Variants in COL15A1 observed in about 807,000 individuals in gnomAD.
COL15A1 encodes collagen alpha-1(XV) chain.
A neutral mutation model predicts 165.9 loss-of-function variants in COL15A1; 111 were observed. That is an observed-to-expected ratio of 0.67 (90% CI 0.57 to 0.78). COL15A1 has a LOEUF of 0.78. Among genes scored for constraint, COL15A1 ranks in the 30% least tolerant of loss-of-function variants. COL15A1 has a pLI of 0.00. For missense variants in COL15A1, 1,745 were observed against 1,789.7 expected (o/e 0.98, Z 0.45); for synonymous variants, 659 against 674.8 (o/e 0.98, Z 0.36).
intron 2 of COL15A1, among the ~76,000 whole-genome samples, chr9:98,956,709 A>T (rs1837781236): frequency 6.6e-6 from 1 of 152,094 alleles, no homozygotes; most frequent in Admixed American, 6.6e-5. Flanking sequence ...GCTTCTTGCC[A>T]CTCAATCTTC....
intron 16 of COL15A1, among the ~76,000 whole-genome samples, chr9:99,027,607 A>G (rs548924666): frequency 6.7e-6 from 1 of 148,150 alleles, no homozygotes; most frequent in East Asian, 2.1e-4. Flanking sequence ...CCACACCCAC[A>G]ACTGCATACA....
chr9:99,067,363 A>G (rs995559071), intron 40 of COL15A1, among the ~76,000 whole-genome samples: 1 of 152,254 alleles, frequency 6.6e-6, no homozygotes, highest in East Asian at 1.9e-4. Flanking sequence ...TCTAATAAAC[A>G]TGAGAGTTAT....
rs772409217 is a variant in COL15A1, at chr9:99,015,987, T to C, written c.1515T>C (p.Asp505=). Residue 505 remains aspartate (D), a synonymous_variant, in exon 11 of 42, where the codon GAT becomes GAC. Coordinates refer to ENST00000375001, the MANE Select transcript of COL15A1 (RefSeq NM_001855.5). ...PERAVTSGPG[D]EEDLAAATTE... Reference sequence around the variant, plus strand: ...GGTTTTGTTTTCAGGGTCCTGGTGATGAAGAAGACTTGGCAGCAGCCACAA... The same window carrying C: ...GGTTTTGTTTTCAGGGTCCTGGTGACGAAGAAGACTTGGCAGCAGCCACAA... 46 of 1,613,546 alleles carry C rather than the reference T, an allele frequency of 2.9e-5. No individual in the cohort carries two copies. Among genetic ancestry groups the C allele is most frequent in the Non-Finnish European group, 3.7e-5 (44 of 1,179,822 alleles).
At chr9:99,035,213 ACCAGCTAG>A in intron 18 of COL15A1, 59 bp downstream of exon 18, 2 of 1,576,604 alleles carry the variant, frequency 1.3e-6, no homozygotes, top group Non-Finnish European at 1.7e-6. Context: ...TACTAGAAAG[ACCAGCTAG>A]CTAAACCCTG....
At chr9:98,995,692 A>G (rs961621560) in intron 5 of COL15A1, among the ~76,000 whole-genome samples, 7 of 152,162 alleles carry the variant, frequency 4.6e-5, no homozygotes, top group African/African-American at 1.7e-4. Flanking sequence ...TCCACCCTGA[A>G]GATTTTACAG....
intron 2 of COL15A1, among the ~76,000 whole-genome samples, chr9:98,963,514 A>G (rs557069331): frequency 6.6e-6 from 1 of 152,330 alleles, no homozygotes; most frequent in East Asian, 1.9e-4. Context: ...GGTGGGTGGC[A>G]TCACTCCATT....
Position 99,036,132 on chromosome 9 carries a change from G to C in COL15A1, c.2290-38G>C, listed in dbSNP as rs753647995. On this transcript the variant is annotated intron_variant, in intron 19 of 41. Coordinates refer to ENST00000375001, the MANE Select transcript of COL15A1 (RefSeq NM_001855.5). Reference sequence around the variant, plus strand: ...AAGAGGCTAGATGGAGGTGAGCAAAGTGACTAGAAGAATATTTATTTTTGT... The same window carrying C: ...AAGAGGCTAGATGGAGGTGAGCAAACTGACTAGAAGAATATTTATTTTTGT... The C allele has an allele frequency of 1.9e-6, 3 of 1,555,028 alleles. No homozygotes were observed. In the African/African-American group the frequency reaches 4.1e-5, roughly 21 times the overall value.
chr9:99,002,573 A>T (rs1452665983), intron 7 of COL15A1, among the ~76,000 whole-genome samples: 1 of 152,196 alleles, frequency 6.6e-6, no homozygotes. Flanking sequence ...TGGGGAGATT[A>T]CCTGATGCCT....
intron 16 of COL15A1, among the ~76,000 whole-genome samples, chr9:99,034,122 A>G (rs1839255456): frequency 6.6e-6 from 1 of 152,032 alleles, no homozygotes; most frequent in African/African-American, 2.4e-5. Flanking sequence ...ATCATCCCCC[A>G]TATATCCAAA....
At chr9:98,989,344 T>C in intron 5 of COL15A1, 86 bp downstream of exon 5, 1 of 1,070,578 alleles carries the variant, frequency 9.3e-7, no homozygotes, top group East Asian at 2.5e-5. Flanking sequence ...GTCCTGGGTC[T>C]GACCTCTTTG....
In COL15A1 at chr9:99,067,032, G is replaced by A. The variant is rs528569937; in HGVS notation, c.3802G>A (p.Ala1268Thr). Residue 1268 changes from alanine to threonine, a missense_variant, in exon 40 of 42, where the codon GCA (alanine) becomes ACA (threonine). Transcript: ENST00000375001. ...AGATCTGTCCACCATTGTGAGGAAA[G>A]CAGAGAGATACAGCCTTCCCATAGT... ...LQDLSTIVRK[A>T]ERYSLPIVNL... The A allele has an allele frequency of 6.2e-7, 1 of 1,614,142 alleles. No homozygotes were observed. The highest frequency in any genetic ancestry group is 1.1e-5 in the South Asian group (1 of 91,074).
chr9:98,986,424 C>A (rs1467766913), intron 3 of COL15A1: 1 of 264,116 alleles, frequency 3.8e-6, no homozygotes, highest in Non-Finnish European at 7.2e-6. Context: ...TGTGTGAAAG[C>A]ACTTTGTACG....
chr9:99,007,181 A>G (rs1204595364), intron 9 of COL15A1, among the ~76,000 whole-genome samples: 1 of 152,212 alleles, frequency 6.6e-6, no homozygotes, highest in African/African-American at 2.4e-5. Flanking sequence ...AAGCAATCAG[A>G]TATGCATTTA....
chr9:98,994,923 G>T (rs1838518360), intron 5 of COL15A1, among the ~76,000 whole-genome samples: 1 of 152,094 alleles, frequency 6.6e-6, no homozygotes, highest in African/African-American at 2.4e-5. Context: ...GGGATGCCTT[G>T]TTGGGAGTTT....
intron 8 of COL15A1, 70 bp from the exon 9 acceptor site, chr9:99,004,828 G>A: frequency 1.3e-6 from 2 of 1,595,348 alleles, no homozygotes; most frequent in African/African-American, 2.7e-5. Context: ...CTGGCCTTCT[G>A]TTCCTTACCA....
chr9:99,010,839 G>A (rs1055660736), intron 9 of COL15A1, among the ~76,000 whole-genome samples: 2 of 152,138 alleles, frequency 1.3e-5, no homozygotes, highest in Non-Finnish European at 2.9e-5. Flanking sequence ...TAATGACATA[G>A]GAATTATTTA....
At chr9:98,985,271 T>C (rs1038689460) in intron 2 of COL15A1, among the ~76,000 whole-genome samples, 1 of 152,172 alleles carries the variant, frequency 6.6e-6, no homozygotes, top group Non-Finnish European at 1.5e-5. Flanking sequence ...AGAAAAAGAA[T>C]AATTAAATGA....
chr9:98,956,848 G>A (rs1438720579), intron 2 of COL15A1, among the ~76,000 whole-genome samples: 3 of 152,166 alleles, frequency 2.0e-5, no homozygotes, highest in Non-Finnish European at 4.4e-5. Flanking sequence ...ACCATCTAGG[G>A]GACTGAGGAT....
At chr9:99,064,367 T>C (rs1165588691) in intron 39 of COL15A1, among the ~76,000 whole-genome samples, 2 of 152,178 alleles carry the variant, frequency 1.3e-5, no homozygotes, top group African/African-American at 4.8e-5. Context: ...GGGGGCATTT[T>C]CTATTGTGCT....
Sources: gnomAD v4.1 joint callset for allele counts (sites outside exome capture counted in the v4.1 genomes callset) on GRCh38, gnomAD v4.1.1 for gene constraint, MANE v1.5 for transcripts, NCBI Gene and HGNC (gene_info 2026-07-23, HGNC 2026-07-21) for gene names.